MIIP: variants seen among roughly 807,000 people sequenced by gnomAD.
MIIP encodes the protein migration and invasion-inhibitory protein.
Under a neutral mutation model 44.8 loss-of-function variants are expected in MIIP, and 44 were observed. The ratio of observed to expected loss-of-function variants is 0.98; its 90% CI spans 0.77 to 1.26. The LOEUF (loss-of-function observed/expected upper bound fraction) is 1.26. MIIP is among the 50% of genes most tolerant of loss of function. The pLI is 0.00. For synonymous variants in MIIP, 225 were observed against 218.3 expected (o/e 1.03, Z -0.27); for missense variants, 496 against 511.7 (o/e 0.97, Z 0.30).
At chr1:12,023,513 C>T (rs1000364491) in intron 4 of MIIP, among the ~76,000 whole-genome samples, 5 of 151,650 alleles carry the variant, frequency 3.3e-5, no homozygotes, top group African/African-American at 1.2e-4. Context: ...ATACCATTCT[C>T]CTGCCTCAGC....
At chr1:12,027,995 C>T (rs1389388777) in intron 4 of MIIP, among the ~76,000 whole-genome samples, 1 of 151,984 alleles carries the variant, frequency 6.6e-6, no homozygotes, top group East Asian at 1.9e-4. Context: ...GTGGATCAGG[C>T]CAGGAGTTTG....
intron 1 of MIIP, among the ~76,000 whole-genome samples, chr1:12,020,315 G>T (rs1205056340): frequency 6.6e-6 from 1 of 152,212 alleles, no homozygotes; most frequent in Non-Finnish European, 1.5e-5. Context: ...AGCCTGATTT[G>T]TGTTGGACTC....
In MIIP at chr1:12,029,077, T is replaced by G. The variant is rs375545212; in HGVS notation, c.592T>G (p.Phe198Val). Residue 198 changes from phenylalanine (F) to valine (V), a missense_variant, in exon 5 of 10, where the codon TTC (phenylalanine) becomes GTC (valine). Physicochemically the swap from Phe to Val is conservative, Grantham distance 50. Transcript: ENST00000235332. ...TTCCATCACCAGCCAGCCTGAGGCC[T>G]TCTTCTCCAAGCTGCAGGAGTTTCG... ...SSSITSQPEA[F>V]FSKLQEFRET... The G allele has an allele frequency of 9.9e-6, 16 of 1,613,654 alleles. No homozygotes were observed. The highest frequency in any genetic ancestry group is 5.3e-5 in the African/African-American group (4 of 74,934).
Position 12,022,265 on chromosome 1 carries a change from C to T in MIIP, c.285C>T (p.Leu95=). 6.2e-7 allele frequency: 1 copy of T among 1,613,676 alleles called. No homozygotes were observed. The highest frequency in any genetic ancestry group is 2.2e-5 in the East Asian group (1 of 44,872). Residue 95 remains leucine, a synonymous_variant, in exon 3 of 10, where the codon CTC becomes CTT. Coordinates refer to ENST00000235332, the MANE Select transcript of MIIP (RefSeq NM_021933.4). ...TGGCCAGATCGGGGGTGGCCTCTCT[C>T]CCACCTGCCAAATGCCAGCACCAGG... The part of the protein sequence containing the change: ...RDVARSGVAS[L]PPAKCQHQES...
intron 4 of MIIP, among the ~76,000 whole-genome samples, chr1:12,027,323 C>A (rs1177236997): frequency 6.6e-6 from 1 of 152,210 alleles, no homozygotes; most frequent in African/African-American, 2.4e-5. Context: ...ACTACTATTT[C>A]TTAAATCGGG....
At chr1:12,031,146 C>A in intron 8 of MIIP, 120 bp from the exon 9 acceptor site, 1 of 1,259,054 alleles carries the variant, frequency 7.9e-7, no homozygotes, top group Non-Finnish European at 1.1e-6. Context: ...TAGACACAGG[C>A]CCTGCCTTGG....
At chr1:12,025,152 C>A (rs190736633) in intron 4 of MIIP, among the ~76,000 whole-genome samples, 21 of 148,928 alleles carry the variant, frequency 1.4e-4, no homozygotes, top group African/African-American at 4.7e-4. Context: ...CTTCACCTCC[C>A]GGGTTCGAGT....
intron 9 of MIIP, 85 bp downstream of exon 9, chr1:12,031,488 T>G (rs1266093969): frequency 1.3e-6 from 2 of 1,566,800 alleles, no homozygotes; most frequent in Non-Finnish European, 1.7e-6. Flanking sequence ...CAGAGCCTCC[T>G]GGGGGGTAGG....
rs984176938 is a variant in MIIP, at chr1:12,022,248, T to G, written c.268T>G (p.Ser90Ala). Residue 90 changes from serine (S) to alanine (A), a missense_variant, in exon 3 of 10, where the codon TCG becomes GCG. By Grantham distance (99) the Ser-to-Ala change is moderately conservative (BLOSUM62 1). Coordinates refer to ENST00000235332, the MANE Select transcript of MIIP (RefSeq NM_021933.4). ...AGGGGACCTCCGTGATGTGGCCAGA[T>G]CGGGGGTGGCCTCTCTCCCACCTGC... ...CRGDLRDVAR[S>A]GVASLPPAKC... is the part of the protein sequence containing the mutation. 5 of 1,613,118 alleles carry G rather than the reference T, an allele frequency of 3.1e-6. No individual in the cohort carries two copies. In the Admixed American group the frequency reaches 6.7e-5, roughly 22 times the overall value.
chr1:12,027,851 T>C (rs1314159853), intron 4 of MIIP, among the ~76,000 whole-genome samples: 4 of 152,286 alleles, frequency 2.6e-5, no homozygotes, highest in Admixed American at 2.0e-4. Flanking sequence ...AAATACTAAA[T>C]AGGTCAGGCC....
intron 1 of MIIP, among the ~76,000 whole-genome samples, chr1:12,019,896 TG>T (rs1438399210): frequency 4.6e-5 from 7 of 152,124 alleles, no homozygotes; most frequent in Non-Finnish European, 7.4e-5. Context: ...CAGTTAGGGG[TG>T]GGGGCCGGGA....
At chr1:12,024,300 C>T (rs1361728235) in intron 4 of MIIP, among the ~76,000 whole-genome samples, 3 of 152,190 alleles carry the variant, frequency 2.0e-5, no homozygotes, top group Admixed American at 2.0e-4. Flanking sequence ...CAGCTCTCCC[C>T]GACAGCAACC....
chr1:12,031,472 GGACTGCA>G (rs1465850020), intron 9 of MIIP, 69 bp downstream of exon 9: 35 of 1,575,880 alleles, frequency 2.2e-5, no homozygotes, highest in Non-Finnish European at 2.9e-5. Context: ...GCAGGCCTGG[GGACTGCA>G]GAGCCTCCTG....
intron 4 of MIIP, among the ~76,000 whole-genome samples, chr1:12,024,657 C>T (rs1024374856): frequency 1.3e-5 from 2 of 152,150 alleles, no homozygotes; most frequent in Non-Finnish European, 2.9e-5. Context: ...GCGATCCGCC[C>T]GCCTCAGCCT....
At position 12,025,346 on chromosome 1, in the gene MIIP, C is replaced by T. The variant is rs112329903; in HGVS notation, c.547+2429C>T. On this transcript the variant is annotated intron_variant, in intron 4 of 9. Coordinates refer to ENST00000235332, the MANE Select transcript of MIIP (RefSeq NM_021933.4). Reference sequence around the variant, plus strand: ...AAGTGCTGGGATTACAGGTGTGAGCCGCTGTGCCTGGCTGGAATTCCCTTC... The same window carrying T: ...AAGTGCTGGGATTACAGGTGTGAGCTGCTGTGCCTGGCTGGAATTCCCTTC... Among the ~76,000 whole-genome samples the T allele has an allele frequency of 8.2e-4, 124 of 151,884 alleles. 2 individuals are homozygous for T. Among genetic ancestry groups the T allele is most frequent in the Admixed American group, 3.3e-4 (5 of 15,260 alleles).
At chr1:12,030,003 G>T (rs1445593813) in intron 7 of MIIP, 25 bp from the exon 8 acceptor site, 3 of 1,611,696 alleles carry the variant, frequency 1.9e-6, no homozygotes, top group Non-Finnish European at 2.5e-6. Context: ...GCTCCTCAGG[G>T]GTCCCCCACT....
rs770778672 is a variant in MIIP at position 12,031,748 on chromosome 1, G to A, written c.1107G>A (p.Pro369=). ...CCTCACCAATGCAGATGCTGCCCCC[G>A]ACCCCGACCTGGTCAGTGCCCCAGG... is the stretch of plus-strand genomic sequence containing the variant. ...HPASPMQMLP[P]TPTWSVPQVP... The change falls in exon 10 of 10, where the codon CCG becomes CCA. Residue 369 remains proline, a synonymous_variant. Transcript: ENST00000235332. The A allele has an allele frequency of 1.2e-5, 19 of 1,613,858 alleles. No individual in the cohort carries two copies. The Admixed American group carries it at 2.0e-4, about 17-fold the overall frequency.
chr1:12,024,238 C>G lies in MIIP; in HGVS notation c.547+1321C>G, dbSNP rs554252096. ...CGTATGTTTGAACATTTGTTATGTG[C>G]CAGGCCCCTGCACAACTTCATACCA... On this transcript the variant is annotated intron_variant, in intron 4 of 9. Coordinates refer to ENST00000235332, the MANE Select transcript of MIIP (RefSeq NM_021933.4). 5.3e-5 allele frequency: 8 copies of G among 152,244 alleles called. No individual in the cohort carries two copies. In the South Asian group the frequency reaches 1.7e-3, roughly 32 times the overall value. 9.4% of individuals were successfully genotyped at this position (152,244 alleles called of 1,614,324 possible).
chr1:12,021,139 A>G (rs1183797996), intron 1 of MIIP, among the ~76,000 whole-genome samples: 2 of 152,240 alleles, frequency 1.3e-5, no homozygotes, highest in African/African-American at 4.8e-5. Context: ...TCATGCCTGT[A>G]ATCCCAGCAC....
Sources: gnomAD v4.1 joint callset for allele counts (sites outside exome capture counted in the v4.1 genomes callset) on GRCh38, gnomAD v4.1.1 for gene constraint, MANE v1.5 for transcripts, NCBI Gene and HGNC (gene_info 2026-07-23, HGNC 2026-07-21) for gene names.